Variants in FSTL5 observed in about 807,000 individuals in gnomAD.
FSTL5 encodes the protein follistatin like 5, also known as follistatin-related protein 5.
Under a neutral mutation model 89.1 loss-of-function variants are expected in FSTL5, and 62 were observed. The ratio of observed to expected loss-of-function variants is 0.70; its 90% CI spans 0.57 to 0.86. The LOEUF (loss-of-function observed/expected upper bound fraction) is 0.86. Ranked by LOEUF, FSTL5 falls within the 40% of genes least tolerant of loss-of-function variation. The pLI, the probability that FSTL5 is intolerant of heterozygous loss-of-function variation, is 0.00. For missense variants in FSTL5, 1,057 were observed against 1,001.6 expected (o/e 1.06, Z -0.75); for synonymous variants, 383 against 346.2 (o/e 1.11, Z -1.18).
intron 13 of FSTL5, among the ~76,000 whole-genome samples, chr4:161,467,603 A>G (rs2126426647): frequency 6.6e-6 from 1 of 152,258 alleles, no homozygotes; most frequent in South Asian, 2.1e-4. Context: ...GAGGATTTAA[A>G]ATTCTAAAAG....
chr4:162,123,463 T>A (rs1731948131), intron 1 of FSTL5, among the ~76,000 whole-genome samples: 1 of 152,164 alleles, frequency 6.6e-6, no homozygotes, highest in African/African-American at 2.4e-5. Flanking sequence ...GATAGGTTAA[T>A]GCTTAGTTGC....
chr4:162,037,839 AAAT>A (rs1737800069), intron 2 of FSTL5, among the ~76,000 whole-genome samples: 1 of 151,980 alleles, frequency 6.6e-6, no homozygotes, highest in Admixed American at 6.6e-5. Context: ...TAGGATTTGC[AAAT>A]AATAACTGTT....
chr4:161,559,417 T>C (rs1343264178), intron 8 of FSTL5, among the ~76,000 whole-genome samples: 1 of 151,970 alleles, frequency 6.6e-6, no homozygotes, highest in Non-Finnish European at 1.5e-5. Context: ...TTCTTCATTG[T>C]CCTTTATCTC....
rs71598716 is a variant in FSTL5 at position 161,597,661 on chromosome 4, CA to C, written c.895-10087del. 3.0e-3 allele frequency among the ~76,000 whole-genome samples: 441 copies of C among 146,868 alleles called. 6 individuals carry two copies. Among genetic ancestry groups the C allele is most frequent in the Middle Eastern group, 7.1e-3 (2 of 280 alleles). On this transcript the variant is annotated intron_variant, in intron 7 of 15. Coordinates refer to ENST00000306100, the MANE Select transcript of FSTL5 (RefSeq NM_020116.5). ...ATATGAAACAAAAAATAAATAAATA[CA>C]AAAAAAAAGAATAAAAAGGAGACAA...
intron 3 of FSTL5, among the ~76,000 whole-genome samples, chr4:161,923,963 T>C (rs1734059434): frequency 6.6e-6 from 1 of 151,832 alleles, no homozygotes; most frequent in South Asian, 2.1e-4. Flanking sequence ...TGTAAATGAA[T>C]AGCTAGAACA....
chr4:161,844,034 G>T (rs1437616004), intron 4 of FSTL5, among the ~76,000 whole-genome samples: 1 of 152,066 alleles, frequency 6.6e-6, no homozygotes, highest in Non-Finnish European at 1.5e-5. Context: ...GAAAATTTTT[G>T]CAATCTATCC....
chr4:161,972,461 T>C (rs1735511625), intron 3 of FSTL5, among the ~76,000 whole-genome samples: 2 of 152,208 alleles, frequency 1.3e-5, no homozygotes, highest in African/African-American at 4.8e-5. Context: ...TTTGTCTTGC[T>C]TGCTTTGCTG....
intron 5 of FSTL5, among the ~76,000 whole-genome samples, chr4:161,769,317 A>C (rs1333169834): frequency 6.6e-6 from 1 of 151,964 alleles, no homozygotes; most frequent in Non-Finnish European, 1.5e-5. Flanking sequence ...GAGGAAGGAA[A>C]ACTTTCAAAC....
At chr4:161,833,865 C>G (rs2126864386) in intron 4 of FSTL5, among the ~76,000 whole-genome samples, 1 of 152,000 alleles carries the variant, frequency 6.6e-6, no homozygotes, top group South Asian at 2.1e-4. Context: ...TTAATTGGAG[C>G]ATTTAGTCCA....
At chr4:161,924,650 T>C (rs373140923) in intron 3 of FSTL5, among the ~76,000 whole-genome samples, 1 of 151,576 alleles carries the variant, frequency 6.6e-6, no homozygotes, top group Non-Finnish European at 1.5e-5. Flanking sequence ...ATGTAAGACC[T>C]CACAAACAAT....
At chr4:162,155,409 G>A (rs1733428044) in intron 1 of FSTL5, among the ~76,000 whole-genome samples, 2 of 152,138 alleles carry the variant, frequency 1.3e-5, no homozygotes, top group African/African-American at 2.4e-5. Context: ...TAAAAACCCA[G>A]GGCTGGCAGA....
intron 1 of FSTL5, among the ~76,000 whole-genome samples, chr4:162,130,605 A>G (rs1732260913): frequency 6.6e-6 from 1 of 152,180 alleles, no homozygotes; most frequent in Non-Finnish European, 1.5e-5. Context: ...TCTTTTCCAG[A>G]TATGTCAAGC....
intron 9 of FSTL5, among the ~76,000 whole-genome samples, chr4:161,541,437 AT>A (rs1418330259): frequency 3.9e-5 from 6 of 151,962 alleles, no homozygotes; most frequent in Non-Finnish European, 8.8e-5. Context: ...TATTCATTTA[AT>A]TTCTGTTAAT....
chr4:161,636,301 T>C (rs1735696813), intron 7 of FSTL5, among the ~76,000 whole-genome samples: 1 of 152,114 alleles, frequency 6.6e-6, no homozygotes, highest in Admixed American at 6.5e-5. Flanking sequence ...TGAGTCAAAC[T>C]GTACCCAAAG....
chr4:161,984,932 C>T (rs564233022), intron 3 of FSTL5, among the ~76,000 whole-genome samples: 4 of 151,848 alleles, frequency 2.6e-5, no homozygotes, highest in African/African-American at 9.6e-5. Flanking sequence ...TTATGTCTTG[C>T]TCTCTCTCGA....
intron 8 of FSTL5, among the ~76,000 whole-genome samples, chr4:161,578,624 T>G (rs1733318922): frequency 1.3e-5 from 2 of 152,034 alleles, no homozygotes; most frequent in East Asian, 1.9e-4. Context: ...AGCTGAGTTA[T>G]CTCTAGCAGA....
chr4:161,927,670 T>G (rs1358012079), intron 3 of FSTL5, among the ~76,000 whole-genome samples: 1 of 151,748 alleles, frequency 6.6e-6, no homozygotes, highest in Non-Finnish European at 1.5e-5. Flanking sequence ...TGAAACCAAA[T>G]AGTGTATTAA....
chr4:161,617,388 A>G (rs947680272), intron 7 of FSTL5, among the ~76,000 whole-genome samples: 2 of 152,160 alleles, frequency 1.3e-5, no homozygotes, highest in Non-Finnish European at 2.9e-5. Context: ...GCTGGAGACC[A>G]GAGGAACAAT....
At chr4:161,879,433 G>A (rs1732555530) in intron 4 of FSTL5, among the ~76,000 whole-genome samples, 2 of 152,116 alleles carry the variant, frequency 1.3e-5, no homozygotes, top group South Asian at 4.1e-4. Context: ...CCCAGGCAAA[G>A]CATTAGCATA....
Sources: allele counts gnomAD v4.1 joint callset (sites outside exome capture counted in the v4.1 genomes callset), GRCh38; gene constraint gnomAD v4.1.1; transcripts MANE v1.5; gene names NCBI Gene and HGNC (gene_info 2026-07-23, HGNC 2026-07-21).